ACO2: variants seen among roughly 807,000 people sequenced by gnomAD.
ACO2 encodes aconitate hydratase, mitochondrial.
Under a neutral mutation model 84.5 loss-of-function variants are expected in ACO2, and 31 were observed. That is an observed-to-expected ratio of 0.37 (90% CI 0.28 to 0.50). ACO2 has a LOEUF of 0.50. Ranked by LOEUF, ACO2 falls within the 20% of genes least tolerant of loss-of-function variation. The pLI, the probability that ACO2 is intolerant of heterozygous loss-of-function variation, is 0.97. For missense variants in ACO2, 685 were observed against 1,029.3 expected, an observed-to-expected ratio of 0.67 and a Z score of 4.58; for synonymous variants, 414 against 412.7, an observed-to-expected ratio of 1.00 and a Z score of -0.04.
intron 1 of ACO2, chr22:41,469,388 C>G (rs41281289): frequency 2.1e-4 from 107 of 513,516 alleles, no homozygotes; most frequent in Non-Finnish European, 3.5e-4. Flanking sequence ...CTGGCCCTGT[C>G]CCTGCCTCGC....
chr22:41,488,362 TG>T (rs1265399759), intron 1 of ACO2, among the ~76,000 whole-genome samples: 2 of 152,220 alleles, frequency 1.3e-5, no homozygotes, highest in Non-Finnish European at 2.9e-5. Context: ...GTCTGCTTAC[TG>T]CTCTGTGGTG....
At chr22:41,478,764 C>CCTT (rs2038050318) in intron 1 of ACO2, among the ~76,000 whole-genome samples, 2 of 125,894 alleles carry the variant, frequency 1.6e-5, no homozygotes, top group Non-Finnish European at 3.4e-5. Flanking sequence ...CACATATCTT[C>CCTT]TTTTTTTTTT....
chr22:41,488,181 G>A (rs776041479), intron 1 of ACO2, among the ~76,000 whole-genome samples: 6 of 152,116 alleles, frequency 3.9e-5, no homozygotes, highest in East Asian at 1.9e-4. Context: ...TAATCCTGAC[G>A]GTAGGGGCCC....
At position 41,524,861 on chromosome 22, in the gene ACO2, G is replaced by A. The variant is rs749047920; in HGVS notation, c.1498G>A (p.Ala500Thr). ...TCCATTTCAGATTGTCACAGCCCTG[G>A]CCATTGCGGGAACCCTCAAGTTCAA... ...VTSPEIVTAL[A>T]IAGTLKFNPE... The change falls in exon 13 of 18, where the codon GCC becomes ACC. Residue 500 changes from alanine (A) to threonine (T), a missense_variant. Coordinates refer to ENST00000216254, the MANE Select transcript of ACO2 (RefSeq NM_001098.3). 2.0e-5 allele frequency: 33 copies of A among 1,614,082 alleles called. No individual in the cohort carries two copies. The highest frequency in any genetic ancestry group is 2.8e-5 in the Non-Finnish European group (33 of 1,180,050).
intron 4 of ACO2, chr22:41,512,211 G>A: frequency 4.7e-6 from 2 of 428,026 alleles, no homozygotes; most frequent in Non-Finnish European, 4.2e-6. Flanking sequence ...AGCATTTTAA[G>A]TGCGACATGT....
At chr22:41,493,193 C>G (rs1010601166) in intron 1 of ACO2, among the ~76,000 whole-genome samples, 1 of 152,112 alleles carries the variant, frequency 6.6e-6, no homozygotes, top group Non-Finnish European at 1.5e-5. Flanking sequence ...CCCTTCTGAC[C>G]TAATCGCCTC....
chr22:41,521,861 G>A (rs1489948611), intron 9 of ACO2, among the ~76,000 whole-genome samples: 8 of 150,394 alleles, frequency 5.3e-5, no homozygotes, highest in South Asian at 2.1e-4. Context: ...TGCAGCCTCC[G>A]CCTCCCAGGT....
At chr22:41,487,548 C>T (rs2066237306) in intron 1 of ACO2, among the ~76,000 whole-genome samples, 2 of 152,148 alleles carry the variant, frequency 1.3e-5, no homozygotes, top group Non-Finnish European at 2.9e-5. Flanking sequence ...AAAGCATTGA[C>T]TTGATAATTG....
chr22:41,499,162 G>A (rs1308085134), intron 1 of ACO2, among the ~76,000 whole-genome samples: 1 of 151,704 alleles, frequency 6.6e-6, no homozygotes, highest in Non-Finnish European at 1.5e-5. Context: ...CAAAGCTCAC[G>A]CACAGGGTTT....
intron 1 of ACO2, among the ~76,000 whole-genome samples, chr22:41,474,662 G>A (rs1376966861): frequency 5.4e-5 from 7 of 129,150 alleles, no homozygotes; most frequent in African/African-American, 2.1e-4. Flanking sequence ...GCAGTGGCGC[G>A]ATCTTGGCTC....
intron 10 of ACO2, 54 bp downstream of exon 10, chr22:41,523,041 T>C: frequency 6.2e-7 from 1 of 1,602,290 alleles, no homozygotes; most frequent in Non-Finnish European, 8.5e-7. Context: ...GAGTAATGCC[T>C]CCAGGCGGCA....
In ACO2 at chr22:41,515,004, C is replaced by T. The variant is rs923536540; in HGVS notation, c.526-373C>T. Among the ~76,000 whole-genome samples, 27 of 152,214 alleles carry T rather than the reference C, an allele frequency of 1.8e-4. No individual in the cohort carries two copies. The highest frequency in any genetic ancestry group is 3.1e-4 in the Non-Finnish European group (21 of 68,036). ...AGAAGCCAGGTGGGGATGCTCCACA[C>T]CCAGGATGAGGCCGGGCCTGGGCCC... On this transcript the variant is annotated intron_variant, in intron 4 of 17. Coordinates refer to ENST00000216254, the MANE Select transcript of ACO2 (RefSeq NM_001098.3). This position sits in a 1 kb window ranked among gnomAD's most constrained non-coding sequence, Gnocchi z 5.8.
At position 41,478,552 on chromosome 22, in the gene ACO2, T is replaced by G. The variant is rs1012857830; in HGVS notation, c.36+9370T>G. Among the ~76,000 whole-genome samples the G allele has an allele frequency of 2.0e-5, 3 of 152,280 alleles. No homozygotes were observed. In the South Asian group the frequency reaches 6.2e-4, roughly 32 times the overall value. ...AGGACAACATTGGGGAAGTGAGCTT[T>G]AGAGTTATATTTGCAGTATTTATTT... On this transcript the variant is annotated intron_variant, in intron 1 of 17. Coordinates refer to ENST00000216254, the MANE Select transcript of ACO2 (RefSeq NM_001098.3).
At chr22:41,527,190 G>A in intron 15 of ACO2, 98 bp from the exon 16 acceptor site, 2 of 1,577,574 alleles carry the variant, frequency 1.3e-6, no homozygotes, top group South Asian at 1.1e-5. Context: ...GCCTCAGGAT[G>A]CCCAGGCGCC....
intron 1 of ACO2, among the ~76,000 whole-genome samples, chr22:41,486,104 TTG>T (rs367749433): frequency 6.6e-6 from 1 of 151,696 alleles, no homozygotes; most frequent in Admixed American, 6.6e-5. Flanking sequence ...CTCCTGCCCC[TTG>T]TGTGTGTGTG....
intron 9 of ACO2, among the ~76,000 whole-genome samples, chr22:41,521,049 A>G (rs1037107855): frequency 8.6e-5 from 13 of 151,222 alleles, no homozygotes; most frequent in African/African-American, 2.7e-4. Context: ...AAAAAAAAAA[A>G]AAAAAAAAAA....
chr22:41,479,896 C>T (rs368856008), intron 1 of ACO2, among the ~76,000 whole-genome samples: 172 of 152,324 alleles, frequency 1.1e-3, no homozygotes, highest in African/African-American at 4.0e-3. Flanking sequence ...AATCTGTCAT[C>T]AGCCTATTCC....
At chr22:41,469,352 A>C (rs748869103) in intron 1 of ACO2, 170 bp downstream of exon 1, 1 of 704,404 alleles carries the variant, frequency 1.4e-6, no homozygotes, top group Non-Finnish European at 2.2e-6. Flanking sequence ...CCCTAGGTCA[A>C]GGCGTCCCCG....
intron 1 of ACO2, among the ~76,000 whole-genome samples, chr22:41,470,056 G>A (rs1477577871): frequency 6.6e-6 from 1 of 152,154 alleles, no homozygotes; most frequent in Admixed American, 6.5e-5. Flanking sequence ...GTCAAATATG[G>A]GAGGATAAGG....
Sources: gnomAD v4.1 joint callset for allele counts (sites outside exome capture counted in the v4.1 genomes callset) on GRCh38, gnomAD v4.1.1 for gene constraint, Gnocchi (gnomAD v3.1) non-coding constraint, MANE v1.5 for transcripts, NCBI Gene and HGNC (gene_info 2026-07-23, HGNC 2026-07-21) for gene names.